KLHL29: variants seen among roughly 807,000 people sequenced by gnomAD.
The protein encoded by KLHL29 is kelch-like protein 29.
In KLHL29, 21 loss-of-function variants were observed where a neutral mutation model predicts 80.4. The observed-to-expected ratio is 0.26, with a 90% CI of 0.19 to 0.38. KLHL29 has a LOEUF of 0.38. Among genes scored for constraint, KLHL29 ranks in the 10% least tolerant of loss-of-function variants. The probability of loss-of-function intolerance (pLI) is 1.00; values close to 1 mark genes in which losing one functional copy is unlikely to be tolerated. For missense variants in KLHL29, 867 were observed against 1,223.9 expected (o/e 0.71, Z 4.35); for synonymous variants, 511 against 526.8 (o/e 0.97, Z 0.41).
At chr2:23,645,717 A>G (rs1669909093) in intron 5 of KLHL29, among the ~76,000 whole-genome samples, 1 of 152,228 alleles carries the variant, frequency 6.6e-6, no homozygotes, top group Admixed American at 6.5e-5. Context: ...CAGATTTAAA[A>G]TTTCACATTT....
intron 4 of KLHL29, among the ~76,000 whole-genome samples, chr2:23,640,399 G>A (rs1669735670): frequency 6.6e-6 from 1 of 152,256 alleles, no homozygotes; most frequent in Admixed American, 6.5e-5. Context: ...CCATGGCACT[G>A]TGTCTCTGTG....
At chr2:23,611,668 C>G (rs1668874391) in intron 3 of KLHL29, among the ~76,000 whole-genome samples, 1 of 152,046 alleles carries the variant, frequency 6.6e-6, no homozygotes, top group South Asian at 2.1e-4. Context: ...GTAGAAACAA[C>G]AGAAAATAGA....
chr2:23,610,702 G>T (rs893165771), intron 3 of KLHL29, among the ~76,000 whole-genome samples: 1 of 152,262 alleles, frequency 6.6e-6, no homozygotes, highest in Non-Finnish European at 1.5e-5. Flanking sequence ...CGGGTGCCCT[G>T]AAATGCTATG....
At position 23,692,599 on chromosome 2, in the gene KLHL29, G is replaced by A. The variant is rs376829060; in HGVS notation, c.1283-670G>A. Among the ~76,000 whole-genome samples the A allele has an allele frequency of 1.8e-4, 28 of 152,328 alleles. No homozygotes were observed. The South Asian group carries it at 4.1e-3, about 23-fold the overall frequency. ...AGGTGCCAGGAACCACGATGGCAGT[G>A]AGGCTCGCGCACAGATGGGCCTCCA... On this transcript the variant is annotated intron_variant, in intron 7 of 13. Transcript: ENST00000486442.
intron 2 of KLHL29, among the ~76,000 whole-genome samples, chr2:23,544,324 TG>T (rs1159319273): frequency 6.6e-6 from 1 of 152,186 alleles, no homozygotes; most frequent in African/African-American, 2.4e-5. Context: ...GTGGAGACTG[TG>T]GTGCCTGAGA....
In KLHL29 at chr2:23,700,504, A is replaced by T. The variant is rs1204803496; in HGVS notation, c.2106-2682A>T. Among the ~76,000 whole-genome samples, 1 of 152,168 alleles carries T rather than the reference A, an allele frequency of 6.6e-6. No homozygotes were observed. ...CACATCTCTTTCCAACTCCATGTTCAGCAACATCCCTATGGTAGCTTGAAA... is the reference window on the plus strand; with the variant it reads ...CACATCTCTTTCCAACTCCATGTTCTGCAACATCCCTATGGTAGCTTGAAA... On this transcript the variant is annotated intron_variant, in intron 11 of 13. Coordinates refer to ENST00000486442, the MANE Select transcript of KLHL29 (RefSeq NM_052920.2). This position sits in a 1 kb window ranked among gnomAD's most constrained non-coding sequence, Gnocchi z 4.6.
At chr2:23,505,989 C>A (rs1373643856) in intron 2 of KLHL29, among the ~76,000 whole-genome samples, 1 of 152,166 alleles carries the variant, frequency 6.6e-6, no homozygotes, top group East Asian at 1.9e-4. Flanking sequence ...GTCAGCCTCC[C>A]CCGATCATGC....
chr2:23,414,034 G>C (rs879835752), intron 1 of KLHL29, among the ~76,000 whole-genome samples: 1 of 152,238 alleles, frequency 6.6e-6, no homozygotes, highest in Non-Finnish European at 1.5e-5. Flanking sequence ...TAGCTGTGCT[G>C]TTCCCCAGAT....
chr2:23,533,368 TG>T (rs1251512757), intron 2 of KLHL29, among the ~76,000 whole-genome samples: 1 of 152,106 alleles, frequency 6.6e-6, no homozygotes, highest in African/African-American at 2.4e-5. Context: ...CTACCCCCTT[TG>T]GAAAGAAAGC....
chr2:23,494,566 C>A (rs767343289), intron 2 of KLHL29, among the ~76,000 whole-genome samples: 2 of 152,168 alleles, frequency 1.3e-5, no homozygotes, highest in Non-Finnish European at 2.9e-5. Context: ...ATCCATCAGG[C>A]ACGTTTCCAA....
chr2:23,671,925 C>T (rs1427356013), intron 5 of KLHL29: 1 of 152,438 alleles, frequency 6.6e-6, no homozygotes, highest in African/African-American at 2.4e-5. Context: ...CAATTCCCAG[C>T]CTCATTCCCC....
chr2:23,447,917 A>G (rs1388332394), intron 1 of KLHL29, among the ~76,000 whole-genome samples: 1 of 152,110 alleles, frequency 6.6e-6, no homozygotes, highest in Admixed American at 6.5e-5. Flanking sequence ...GAATTTCAAA[A>G]CATATCTGGT....
intron 2 of KLHL29, among the ~76,000 whole-genome samples, chr2:23,555,172 A>G (rs1667253971): frequency 6.6e-6 from 1 of 150,530 alleles, no homozygotes; most frequent in South Asian, 2.1e-4. Context: ...AGACCACCCT[A>G]CAGGATCCTG....
chr2:23,539,756 T>C (rs1342614424), intron 2 of KLHL29, among the ~76,000 whole-genome samples: 1 of 152,160 alleles, frequency 6.6e-6, no homozygotes, highest in African/African-American at 2.4e-5. Flanking sequence ...TCCTACCTCC[T>C]TCTGACTCCT....
Position 23,463,222 on chromosome 2 carries a change from C to CT in KLHL29, c.-153-12326dup, listed in dbSNP as rs149100388. 4.7e-3 allele frequency among the ~76,000 whole-genome samples: 567 copies of CT among 119,902 alleles called. 2 individuals are homozygous for CT. Among genetic ancestry groups the CT allele is most frequent in the Middle Eastern group, 0.013 (3 of 226 alleles). 78.7% of individuals were successfully genotyped at this position (119,902 alleles called of 152,430 possible). Reference sequence around the variant, plus strand: ...CCCAAGTTGAAGCAGGTGTTTTTGGCTTTTTTTTTTTTCATTTGGTTTATA... The same window carrying CT: ...CCCAAGTTGAAGCAGGTGTTTTTGGCTTTTTTTTTTTTTCATTTGGTTTATA... On this transcript the variant is annotated intron_variant, in intron 1 of 13. Transcript: ENST00000486442.
rs114247974 is a variant in KLHL29 at position 23,421,295 on chromosome 2, T to C, written c.-154+35515T>C. 7.5e-3 allele frequency among the ~76,000 whole-genome samples: 1,146 copies of C among 152,312 alleles called. 4 individuals carry two copies. Among genetic ancestry groups the C allele is most frequent in the Non-Finnish European group, 0.013 (883 of 68,024 alleles). ...TAGTGATCTGTGGTCTGTCCATTGCTGAAGGGGTGTCTGCTCCTGAAGATC... is the reference window on the plus strand; with the variant it reads ...TAGTGATCTGTGGTCTGTCCATTGCCGAAGGGGTGTCTGCTCCTGAAGATC... On this transcript the variant is annotated intron_variant, in intron 1 of 13. Coordinates refer to ENST00000486442, the MANE Select transcript of KLHL29 (RefSeq NM_052920.2).
At chr2:23,386,750 G>T (rs1441404818) in intron 1 of KLHL29, among the ~76,000 whole-genome samples, 2 of 152,134 alleles carry the variant, frequency 1.3e-5, no homozygotes, top group South Asian at 2.1e-4. Context: ...GGCCCCAAGG[G>T]AGGGACGTGC....
intron 6 of KLHL29, among the ~76,000 whole-genome samples, chr2:23,687,753 G>GC (rs1401364235): frequency 6.6e-6 from 1 of 152,202 alleles, no homozygotes; most frequent in Non-Finnish European, 1.5e-5. Flanking sequence ...AGGTCGAAAG[G>GC]CGGGAGGGGG....
chr2:23,428,981 T>G lies in KLHL29; in HGVS notation c.-154+43201T>G, dbSNP rs141748327. Among the ~76,000 whole-genome samples, 61 of 152,364 alleles carry G rather than the reference T, an allele frequency of 4.0e-4. No homozygotes were observed. The East Asian group carries it at 0.011, about 28-fold the overall frequency. On this transcript the variant is annotated intron_variant, in intron 1 of 13. Coordinates refer to ENST00000486442, the MANE Select transcript of KLHL29 (RefSeq NM_052920.2). ...CTCTGGGTTCTCATCCTGATTCTGC[T>G]GCCAGCTCAAGGTATAGCTTTGGTT...
Sources: gnomAD v4.1 joint callset for allele counts (sites outside exome capture counted in the v4.1 genomes callset) on GRCh38, gnomAD v4.1.1 for gene constraint, Gnocchi (gnomAD v3.1) non-coding constraint, MANE v1.5 for transcripts, NCBI Gene and HGNC (gene_info 2026-07-23, HGNC 2026-07-21) for gene names.